The following PTPRK variants were observed in gnomAD, a reference collection of about 807,000 sequenced individuals.
The protein encoded by PTPRK is protein tyrosine phosphatase receptor type K, also known as receptor-type tyrosine-protein phosphatase kappa.
In PTPRK, 75 loss-of-function variants were observed where a neutral mutation model predicts 178.0. That is an observed-to-expected ratio of 0.42 (90% CI 0.35 to 0.51). PTPRK has a LOEUF of 0.51. PTPRK is among the 20% of genes least tolerant of loss of function. PTPRK has a pLI of 0.02. For synonymous variants in PTPRK, 637 were observed against 620.6 expected, an observed-to-expected ratio of 1.03 and a Z score of -0.39; for missense variants, 1,441 against 1,797.8, an observed-to-expected ratio of 0.80 and a Z score of 3.59.
At chr6:128,196,940 A>G (rs1804955915) in intron 6 of PTPRK, among the ~76,000 whole-genome samples, 1 of 152,186 alleles carries the variant, frequency 6.6e-6, no homozygotes, top group African/African-American at 2.4e-5. Context: ...ATAGATATTG[A>G]AGATTCCTGA....
At chr6:128,133,765 CT>C (rs1794608789) in intron 7 of PTPRK, among the ~76,000 whole-genome samples, 1 of 151,004 alleles carries the variant, frequency 6.6e-6, no homozygotes, top group African/African-American at 2.4e-5. Flanking sequence ...GTTGCTCAGG[CT>C]GTTCTCGAAC....
intron 7 of PTPRK, among the ~76,000 whole-genome samples, chr6:128,174,525 G>A (rs951861970): frequency 6.6e-6 from 1 of 151,738 alleles, no homozygotes; most frequent in South Asian, 2.1e-4. Flanking sequence ...ATGTTCCTTT[G>A]TTTAAAATAT....
At chr6:128,066,704 A>C (rs1465379320) in intron 12 of PTPRK, among the ~76,000 whole-genome samples, 1 of 103,476 alleles carries the variant, frequency 9.7e-6, no homozygotes, top group Non-Finnish European at 1.7e-5. Flanking sequence ...GTCTGCCAAT[A>C]AATAAATAAA....
At chr6:128,065,044 GGTTA>G (rs774689934) in intron 12 of PTPRK, among the ~76,000 whole-genome samples, 2 of 152,168 alleles carry the variant, frequency 1.3e-5, no homozygotes, top group Non-Finnish European at 2.9e-5. Context: ...CAATGAAACA[GGTTA>G]GTTTGTGACA....
chr6:128,378,490 T>C (rs1430532650), intron 2 of PTPRK, among the ~76,000 whole-genome samples: 10 of 151,878 alleles, frequency 6.6e-5, no homozygotes, highest in Non-Finnish European at 1.5e-5. Flanking sequence ...GACTTATGTA[T>C]AATTTCCATG....
At chr6:128,266,584 G>T (rs549505414) in intron 3 of PTPRK, among the ~76,000 whole-genome samples, 67 of 152,042 alleles carry the variant, frequency 4.4e-4, no homozygotes, top group Non-Finnish European at 7.2e-4. Flanking sequence ...TTTCATCCTT[G>T]GACCACAAAA....
chr6:128,439,330 T>G (rs934692217), intron 1 of PTPRK, among the ~76,000 whole-genome samples: 11 of 152,326 alleles, frequency 7.2e-5, no homozygotes, highest in Middle Eastern at 6.8e-3. Context: ...GAAACTTTGA[T>G]TCACCATTGA....
At chr6:128,104,632 T>C (rs1195256084) in intron 7 of PTPRK, among the ~76,000 whole-genome samples, 2 of 152,250 alleles carry the variant, frequency 1.3e-5, no homozygotes, top group African/African-American at 2.4e-5. Context: ...GTGTATTCTT[T>C]AGTCAGTAAG....
At chr6:128,003,255 A>T in intron 15 of PTPRK, 1 of 1,594,336 alleles carries the variant, frequency 6.3e-7, no homozygotes, top group Non-Finnish European at 8.6e-7. Context: ...AAAGCTCATG[A>T]AGGAATATAT....
At chr6:128,231,798 C>G (rs748413316) in intron 5 of PTPRK, among the ~76,000 whole-genome samples, 1 of 152,156 alleles carries the variant, frequency 6.6e-6, no homozygotes, top group Admixed American at 6.5e-5. Context: ...ATTGAAAAAA[C>G]AAACTCATTG....
At chr6:127,987,424 T>C (rs1409650392) in intron 21 of PTPRK, among the ~76,000 whole-genome samples, 1 of 152,142 alleles carries the variant, frequency 6.6e-6, no homozygotes, top group South Asian at 2.1e-4. Context: ...TGTGTTTTTA[T>C]TAAATCAGGA....
chr6:128,043,565 T>C (rs1373669987), intron 13 of PTPRK, among the ~76,000 whole-genome samples: 3 of 151,938 alleles, frequency 2.0e-5, no homozygotes, highest in Non-Finnish European at 4.4e-5. Context: ...TGAAAAGAAG[T>C]GTTCTAAATT....
At chr6:128,088,252 C>T (rs1188722827) in intron 8 of PTPRK, among the ~76,000 whole-genome samples, 1 of 151,978 alleles carries the variant, frequency 6.6e-6, no homozygotes, top group East Asian at 1.9e-4. Flanking sequence ...GTGGCAGGTG[C>T]CTGTAATCCC....
intron 6 of PTPRK, among the ~76,000 whole-genome samples, chr6:128,215,848 A>T (rs961349114): frequency 2.0e-5 from 3 of 152,160 alleles, no homozygotes; most frequent in Admixed American, 1.3e-4. Flanking sequence ...CATCTTTTGT[A>T]TCCATGTAAC....
intron 13 of PTPRK, among the ~76,000 whole-genome samples, chr6:128,056,012 C>A (rs981659002): frequency 9.7e-6 from 1 of 102,678 alleles, no homozygotes; most frequent in Non-Finnish European, 2.0e-5. Flanking sequence ...TTTTTTAAAT[C>A]TTGGAATTAG....
intron 3 of PTPRK, among the ~76,000 whole-genome samples, chr6:128,318,028 C>T (rs1478138755): frequency 1.3e-5 from 2 of 152,034 alleles, no homozygotes; most frequent in East Asian, 1.9e-4. Flanking sequence ...AGGAAGTTAC[C>T]GCTATATGAT....
At position 128,398,838 on chromosome 6, in the gene PTPRK, C is replaced by G. The variant is rs1840673835; in HGVS notation, c.101-1150G>C. 1.3e-5 allele frequency among the ~76,000 whole-genome samples: 2 copies of G among 152,058 alleles called. 1 individual carries two copies. The highest frequency in any genetic ancestry group is 4.2e-4 in the South Asian group (2 of 4,816). ...GTCTTTTTAAACGGGGGTAGCATTC[C>G]CCATTTGCATCAGTCATGGTTTTTC... On this transcript the variant is annotated intron_variant, in intron 1 of 29. Coordinates refer to ENST00000368226, the MANE Select transcript of PTPRK (RefSeq NM_002844.4).
At chr6:128,095,495 G>A (rs1021819264) in intron 7 of PTPRK, among the ~76,000 whole-genome samples, 3 of 152,072 alleles carry the variant, frequency 2.0e-5, no homozygotes, top group African/African-American at 7.2e-5. Flanking sequence ...GTGATAAGTG[G>A]AAAAGAGGGA....
intron 1 of PTPRK, among the ~76,000 whole-genome samples, chr6:128,403,371 T>C (rs935560863): frequency 2.6e-5 from 4 of 152,206 alleles, no homozygotes; most frequent in African/African-American, 4.8e-5. Context: ...ATTTTAAGTA[T>C]GGGCCATACA....
Sources: gnomAD v4.1 joint callset for allele counts (sites outside exome capture counted in the v4.1 genomes callset) on GRCh38, gnomAD v4.1.1 for gene constraint, MANE v1.5 for transcripts, NCBI Gene and HGNC (gene_info 2026-07-23, HGNC 2026-07-21) for gene names.